MDGA2: variants seen among roughly 807,000 people sequenced by gnomAD.
MDGA2 encodes the protein MAM domain-containing glycosylphosphatidylinositol anchor protein 2.
Under a neutral mutation model 117.8 loss-of-function variants are expected in MDGA2, and 40 were observed. That is an observed-to-expected ratio of 0.34 (90% CI 0.26 to 0.44). MDGA2 has a LOEUF of 0.44. MDGA2 is among the 20% of genes least tolerant of loss of function. The pLI, the probability that MDGA2 is intolerant of heterozygous loss-of-function variation, is 1.00. For synonymous variants in MDGA2, 452 were observed against 439.0 expected (o/e 1.03, Z -0.37); for missense variants, 1,123 against 1,250.6 (o/e 0.90, Z 1.54).
At chr14:47,587,648 T>C (rs1401249656) in intron 1 of MDGA2, among the ~76,000 whole-genome samples, 5 of 152,094 alleles carry the variant, frequency 3.3e-5, no homozygotes, top group African/African-American at 1.2e-4. Flanking sequence ...AATACTTGCA[T>C]GTTTCTGTTC....
intron 1 of MDGA2, among the ~76,000 whole-genome samples, chr14:47,595,547 CAAA>C (rs777715271): frequency 1.4e-5 from 1 of 69,056 alleles, no homozygotes; most frequent in Non-Finnish European, 2.5e-5. Flanking sequence ...AACCAAAAAA[CAAA>C]AAAAAACAAA....
At chr14:47,219,173 A>C (rs1886208174) in intron 2 of MDGA2, among the ~76,000 whole-genome samples, 1 of 152,108 alleles carries the variant, frequency 6.6e-6, no homozygotes, top group Non-Finnish European at 1.5e-5. Context: ...TGGAAAATGA[A>C]ACTAAATACT....
chr14:47,205,145 T>C (rs995265835), intron 3 of MDGA2, among the ~76,000 whole-genome samples: 2 of 151,464 alleles, frequency 1.3e-5, no homozygotes, highest in African/African-American at 4.8e-5. Context: ...TATGTGTATA[T>C]ATATGTGCAT....
chr14:47,096,604 A>G (rs1879983474), intron 6 of MDGA2, among the ~76,000 whole-genome samples: 1 of 152,010 alleles, frequency 6.6e-6, no homozygotes, highest in Admixed American at 6.6e-5. Context: ...ACATATTATA[A>G]AAAGCATTTG....
intron 2 of MDGA2, among the ~76,000 whole-genome samples, chr14:47,218,768 T>A (rs763492771): frequency 1.3e-5 from 2 of 152,144 alleles, no homozygotes; most frequent in Non-Finnish European, 2.9e-5. Flanking sequence ...CCACAAATGA[T>A]TTGTCTATTT....
rs1340160061 is a variant in MDGA2 at position 46,855,309 on chromosome 14, A to G, written c.2753-155T>C. On this transcript the variant is annotated intron_variant, in intron 14 of 16. Coordinates refer to ENST00000399232, the MANE Select transcript of MDGA2 (RefSeq NM_001113498.3). The surrounding 1 kb of genome is among the most constrained non-coding windows in gnomAD (Gnocchi z 4.1). ...TCCTCTCATTTCCTATCTTGCTCTT[A>G]TGACATTTGACATTTGATCCAAAAG... Among the ~76,000 whole-genome samples the G allele has an allele frequency of 6.6e-6, 1 of 152,034 alleles. No homozygotes were observed. The highest frequency in any genetic ancestry group is 1.5e-5 in the Non-Finnish European group (1 of 68,004).
intron 9 of MDGA2, among the ~76,000 whole-genome samples, chr14:46,927,218 TA>T (rs961866685): frequency 2.6e-5 from 4 of 152,174 alleles, no homozygotes; most frequent in African/African-American, 9.6e-5. Context: ...AAGAAAATTC[TA>T]AAAAATAGCA....
chr14:47,163,744 A>G (rs1224161041), intron 3 of MDGA2, among the ~76,000 whole-genome samples: 1 of 152,172 alleles, frequency 6.6e-6, no homozygotes, highest in Non-Finnish European at 1.5e-5. Context: ...TTGCACTCAG[A>G]CACATCTAGT....
rs1415422668 is a variant in MDGA2 at position 47,461,265 on chromosome 14, A to ATGTGTGTGTGTGTGTG, written c.281-159716_281-159715insCACACACACACACACA. Among the ~76,000 whole-genome samples, 43 of 13,290 alleles carry ATGTGTGTGTGTGTGTG rather than the reference A, an allele frequency of 3.2e-3. No homozygotes were observed. The East Asian group carries it at 0.035, about 11-fold the overall frequency. 8.7% of individuals were successfully genotyped at this position (13,290 alleles called of 152,430 possible). On this transcript the variant is annotated intron_variant, in intron 1 of 16. Coordinates refer to ENST00000399232, the MANE Select transcript of MDGA2 (RefSeq NM_001113498.3). ...ATTCCATGTAGTCCAAGTTAAAAAA[A>ATGTGTGTGTGTGTGTG]TGTATGTGTGTGTGTGTGTGTGTGT... is the stretch of plus-strand genomic sequence containing the variant.
At chr14:47,229,122 T>A (rs1886603806) in intron 2 of MDGA2, among the ~76,000 whole-genome samples, 1 of 152,182 alleles carries the variant, frequency 6.6e-6, no homozygotes, top group African/African-American at 2.4e-5. Context: ...AGGTATGGTA[T>A]TTTCAAGCTT....
chr14:47,393,682 A>C (rs770669852), intron 1 of MDGA2, among the ~76,000 whole-genome samples: 4 of 152,064 alleles, frequency 2.6e-5, no homozygotes, highest in Non-Finnish European at 4.4e-5. Context: ...AAATTTTATA[A>C]GCTTCAAAGG....
chr14:47,151,513 A>T (rs867704563), intron 3 of MDGA2, among the ~76,000 whole-genome samples: 8 of 152,324 alleles, frequency 5.3e-5, no homozygotes, highest in Middle Eastern at 3.4e-3. Context: ...TTTATTCAAC[A>T]GTCAATTTTC....
chr14:46,967,301 G>T (rs1410434868), intron 8 of MDGA2, among the ~76,000 whole-genome samples: 1 of 152,098 alleles, frequency 6.6e-6, no homozygotes, highest in Non-Finnish European at 1.5e-5. Context: ...TCATTAGAGT[G>T]ATTTCCTCTC....
intron 1 of MDGA2, among the ~76,000 whole-genome samples, chr14:47,660,272 C>T (rs778847179): frequency 2.0e-5 from 3 of 152,076 alleles, no homozygotes; most frequent in African/African-American, 7.2e-5. Context: ...AAATGCATGG[C>T]GCTACAGCTG....
chr14:47,384,641 A>G (rs986261334), intron 1 of MDGA2, among the ~76,000 whole-genome samples: 1 of 152,152 alleles, frequency 6.6e-6, no homozygotes, highest in Non-Finnish European at 1.5e-5. Flanking sequence ...TTTACCACAT[A>G]CTGCCATCCA....
At chr14:47,142,439 T>C (rs1170887793) in intron 4 of MDGA2, among the ~76,000 whole-genome samples, 2 of 141,418 alleles carry the variant, frequency 1.4e-5, no homozygotes, top group African/African-American at 5.6e-5. Context: ...CAAGGCTCCA[T>C]CTCAAAAACA....
intron 3 of MDGA2, among the ~76,000 whole-genome samples, chr14:47,175,447 C>T (rs1447056941): frequency 2.0e-5 from 3 of 148,620 alleles, no homozygotes; most frequent in Non-Finnish European, 3.0e-5. Context: ...AAAGCTTATC[C>T]ACCATGATCA....
intron 3 of MDGA2, among the ~76,000 whole-genome samples, chr14:47,187,648 T>C (rs1377346637): frequency 6.6e-6 from 1 of 152,152 alleles, no homozygotes; most frequent in Non-Finnish European, 1.5e-5. Flanking sequence ...GTTGATTGTT[T>C]CCTCTTTAAA....
chr14:46,968,582 C>T (rs184418700), intron 8 of MDGA2, among the ~76,000 whole-genome samples: 24 of 152,036 alleles, frequency 1.6e-4, no homozygotes, highest in Non-Finnish European at 3.1e-4. Flanking sequence ...ACCTGTAATC[C>T]CGGCACTTTG....
Sources: allele counts gnomAD v4.1 joint callset (sites outside exome capture counted in the v4.1 genomes callset), GRCh38; gene constraint gnomAD v4.1.1; non-coding constraint Gnocchi (gnomAD v3.1); transcripts MANE v1.5; gene names NCBI Gene and HGNC (gene_info 2026-07-23, HGNC 2026-07-21).